The following PRKCQ variants were observed in gnomAD, a reference collection of about 807,000 sequenced individuals.
The protein encoded by PRKCQ is protein kinase C theta type.
PRKCQ carries 41 observed loss-of-function variants against 91.2 expected under a neutral mutation model. The observed-to-expected ratio is 0.45, with a 90% confidence interval of 0.35 to 0.58. PRKCQ has a LOEUF of 0.58. Ranked by LOEUF, PRKCQ falls within the 20% of genes least tolerant of loss-of-function variation. The probability of loss-of-function intolerance (pLI) is 0.00; values close to 1 mark genes in which losing one functional copy is unlikely to be tolerated. For synonymous variants in PRKCQ, 307 were observed against 316.9 expected (o/e 0.97, Z 0.33); for missense variants, 673 against 896.5 (o/e 0.75, Z 3.18).
chr10:6,395,881 C>G, the PRKCQ span, among the ~76,000 whole-genome samples: 10 of 152,236 alleles, frequency 6.6e-5, no homozygotes, highest in South Asian at 1.9e-3. Flanking sequence ...AGAGGCCAAC[C>G]TTTTCCTTCT....
At chr10:6,488,607 C>A (rs1837066567) in intron 8 of PRKCQ, among the ~76,000 whole-genome samples, 1 of 152,124 alleles carries the variant, frequency 6.6e-6, no homozygotes, top group East Asian at 1.9e-4. Context: ...TGGTCTCCAA[C>A]TTCTGACCTC....
At chr10:6,514,056 T>C (rs1031157024) in intron 2 of PRKCQ, among the ~76,000 whole-genome samples, 1 of 152,220 alleles carries the variant, frequency 6.6e-6, no homozygotes, top group Non-Finnish European at 1.5e-5. Context: ...TTCAGCTTAC[T>C]TGTTTGACTT....
chr10:6,490,914 C>A (rs1431078670), intron 8 of PRKCQ, among the ~76,000 whole-genome samples: 1 of 151,166 alleles, frequency 6.6e-6, no homozygotes, highest in Non-Finnish European at 1.5e-5. Flanking sequence ...CTTCCCTAGT[C>A]CTTAATCCTA....
chr10:6,478,976 G>A lies in PRKCQ; in HGVS notation c.1353+16C>T, dbSNP rs377306992. The A allele has an allele frequency of 8.1e-5, 131 of 1,612,654 alleles. No individual in the cohort carries two copies. The highest frequency in any genetic ancestry group is 9.8e-5 in the Non-Finnish European group (115 of 1,179,182). On this transcript the variant is annotated intron_variant, in intron 12 of 17. Coordinates refer to ENST00000263125, the MANE Select transcript of PRKCQ (RefSeq NM_006257.5). ...AGGTTAGAGGGGAGGTAGGGTTGTC[G>A]GAGCAGAAGCCATACCTTGGTCTGG...
At chr10:6,530,884 T>C (rs1839367158) in intron 1 of PRKCQ, among the ~76,000 whole-genome samples, 1 of 152,188 alleles carries the variant, frequency 6.6e-6, no homozygotes, top group Non-Finnish European at 1.5e-5. Context: ...CCATTGGCAT[T>C]GTTCTAGCTT....
At chr10:6,410,856 G>A in the PRKCQ span, among the ~76,000 whole-genome samples, 1 of 151,882 alleles carries the variant, frequency 6.6e-6, no homozygotes, top group African/African-American at 2.4e-5. Context: ...GGTGGCGGGT[G>A]CCTGTAATCC....
At chr10:6,413,674 CCACTT>C in the PRKCQ span, among the ~76,000 whole-genome samples, 13 of 112,152 alleles carry the variant, frequency 1.2e-4, 3 homozygotes, top group African/African-American at 4.9e-4. Flanking sequence ...GGATTAAATG[CCACTT>C]GTGCACACAC....
chr10:6,440,992 G>GA (rs1202044192), intron 16 of PRKCQ, among the ~76,000 whole-genome samples: 1 of 151,920 alleles, frequency 6.6e-6, no homozygotes, highest in Non-Finnish European at 1.5e-5. Context: ...TCTCAAAAAA[G>GA]AAAAAAGTTA....
the PRKCQ span, among the ~76,000 whole-genome samples, chr10:6,404,424 CTTTCTTTCTCTCTT>C: frequency 9.1e-6 from 1 of 109,590 alleles, no homozygotes; most frequent in African/African-American, 2.8e-5. Context: ...TCTTTTTTCT[CTTTCTTTCTCTCTT>C]TCTTTCTCTT....
intron 3 of PRKCQ, among the ~76,000 whole-genome samples, chr10:6,509,638 A>G (rs575618473): frequency 5.3e-5 from 8 of 152,236 alleles, no homozygotes; most frequent in African/African-American, 1.9e-4. Context: ...TGAACTCCTG[A>G]CCTCAGGTGA....
At chr10:6,453,538 A>C (rs926725658) in intron 15 of PRKCQ, among the ~76,000 whole-genome samples, 11 of 152,318 alleles carry the variant, frequency 7.2e-5, no homozygotes, top group African/African-American at 2.6e-4. Context: ...TAGAACTAGA[A>C]ATACCATTTG....
chr10:6,404,956 A>ATCTTTCCT, the PRKCQ span, among the ~76,000 whole-genome samples: 1 of 139,652 alleles, frequency 7.2e-6, no homozygotes, highest in East Asian at 2.2e-4. Context: ...CCTTCCTTCT[A>ATCTTTCCT]TCCTTCCTTC....
intron 3 of PRKCQ, among the ~76,000 whole-genome samples, chr10:6,509,606 G>A (rs574522822): frequency 1.1e-4 from 16 of 152,180 alleles, no homozygotes; most frequent in African/African-American, 3.6e-4. Flanking sequence ...ACAGGGTATC[G>A]CCATGTTGGC....
chr10:6,488,387 CTTTTTTT>C (rs71391841), intron 8 of PRKCQ, among the ~76,000 whole-genome samples: 4 of 140,686 alleles, frequency 2.8e-5, no homozygotes, highest in Admixed American at 2.8e-4. Context: ...ATAACTATTA[CTTTTTTT>C]TTTTTTTTTG....
the PRKCQ span, among the ~76,000 whole-genome samples, chr10:6,404,587 CT>C: frequency 1.6e-3 from 172 of 107,962 alleles, no homozygotes; most frequent in Middle Eastern, 0.014. Flanking sequence ...TTCTTTCTTT[CT>C]TTTTTTCTCT....
chr10:6,485,611 TG>T (rs1359148509), intron 9 of PRKCQ, among the ~76,000 whole-genome samples: 1 of 152,202 alleles, frequency 6.6e-6, no homozygotes, highest in Non-Finnish European at 1.5e-5. Flanking sequence ...GGTTTATCCT[TG>T]GATCTAGGAA....
the PRKCQ span, among the ~76,000 whole-genome samples, chr10:6,409,254 C>T: frequency 6.6e-6 from 1 of 152,062 alleles, no homozygotes; most frequent in Non-Finnish European, 1.5e-5. Flanking sequence ...TTCCCCGCAG[C>T]CAGAAGTTGA....
At chr10:6,446,366 T>TG (rs1470179011) in intron 15 of PRKCQ, among the ~76,000 whole-genome samples, 13 of 146,184 alleles carry the variant, frequency 8.9e-5, no homozygotes, top group African/African-American at 3.0e-4. Context: ...AGTTTTTTTT[T>TG]TTTTTTTTTT....
downstream of PRKCQ, among the ~76,000 whole-genome samples, chr10:6,424,023 C>T (rs538648451): frequency 6.6e-6 from 1 of 151,646 alleles, no homozygotes; most frequent in Non-Finnish European, 1.5e-5. Flanking sequence ...GTGGTCCCTA[C>T]GTGCAAGAAA....
Sources: gnomAD v4.1 joint callset for allele counts (sites outside exome capture counted in the v4.1 genomes callset) on GRCh38, gnomAD v4.1.1 for gene constraint, MANE v1.5 for transcripts, NCBI Gene and HGNC (gene_info 2026-07-23, HGNC 2026-07-21) for gene names.